The following MARK2 variants were observed in gnomAD, a reference collection of about 807,000 sequenced individuals.
MARK2 encodes microtubule affinity regulating kinase 2.
MARK2 carries 16 observed loss-of-function variants against 89.8 expected under a neutral mutation model. That is an observed-to-expected ratio of 0.18 (90% CI 0.12 to 0.27). The LOEUF (loss-of-function observed/expected upper bound fraction) is 0.27, where lower values mean the gene tolerates loss of function less well. Among genes scored for constraint, MARK2 ranks in the 10% least tolerant of loss-of-function variants. The pLI is 1.00. For missense variants in MARK2, 621 were observed against 1,049.9 expected (o/e 0.59, Z 5.65); for synonymous variants, 382 against 399.5 (o/e 0.96, Z 0.52).
chr11:63,855,037 AAAT>A (rs1344785191), intron 1 of MARK2, among the ~76,000 whole-genome samples: 1 of 152,212 alleles, frequency 6.6e-6, no homozygotes, highest in Non-Finnish European at 1.5e-5. Flanking sequence ...GCCAGTGATA[AAAT>A]TCAAGTTTTC....
chr11:63,868,168 G>A (rs1429767235), intron 1 of MARK2, among the ~76,000 whole-genome samples: 1 of 152,154 alleles, frequency 6.6e-6, no homozygotes, highest in East Asian at 1.9e-4. Context: ...GAAGTGGGCA[G>A]ATTGCTTGAG....
At chr11:63,872,121 A>G (rs571462529) in intron 1 of MARK2, among the ~76,000 whole-genome samples, 103 of 152,266 alleles carry the variant, frequency 6.8e-4, no homozygotes, top group African/African-American at 2.3e-3. Flanking sequence ...AGAAAGAGGA[A>G]GTATGTAGTG....
At chr11:63,852,746 G>C (rs1041381263) in intron 1 of MARK2, among the ~76,000 whole-genome samples, 1 of 151,724 alleles carries the variant, frequency 6.6e-6, no homozygotes, top group African/African-American at 2.4e-5. Flanking sequence ...TGTTCATAAT[G>C]TACCTTACTG....
intron 1 of MARK2, among the ~76,000 whole-genome samples, chr11:63,880,504 C>A (rs1205436768): frequency 6.6e-6 from 1 of 152,190 alleles, no homozygotes; most frequent in Non-Finnish European, 1.5e-5. Flanking sequence ...CACTGTCCGT[C>A]CCCAATTGGT....
chr11:63,899,119 C>T lies in MARK2; in HGVS notation c.531+11C>T. 6.3e-7 allele frequency: 1 copy of T among 1,593,368 alleles called. No individual in the cohort carries two copies. The highest frequency in any genetic ancestry group is 8.6e-7 in the Non-Finnish European group (1 of 1,163,212). ...CATAGAGACTTAAAGGTAAGGCATG[C>T]ACTTCTCCTTGTGCCTTTGAGTGGG... On this transcript the variant is annotated intron_variant, in intron 7 of 18. Transcript: ENST00000402010.
chr11:63,883,385 G>T (rs982205576), intron 1 of MARK2, among the ~76,000 whole-genome samples: 21 of 152,106 alleles, frequency 1.4e-4, no homozygotes, highest in African/African-American at 4.3e-4. Context: ...GGAATACCAG[G>T]ATGACAGGAA....
At chr11:63,889,104 A>T in intron 1 of MARK2, 1 of 564,874 alleles carries the variant, frequency 1.8e-6, no homozygotes, top group African/African-American at 1.9e-5. Flanking sequence ...GGGTGTCCAG[A>T]TGTGGAAGAG....
intron 1 of MARK2, among the ~76,000 whole-genome samples, chr11:63,858,331 A>G (rs1053270686): frequency 1.3e-5 from 2 of 151,510 alleles, no homozygotes; most frequent in African/African-American, 4.9e-5. Context: ...ATATAATTTT[A>G]CATGAGTTAA....
At chr11:63,877,085 C>T (rs181527054) in intron 1 of MARK2, among the ~76,000 whole-genome samples, 1 of 148,830 alleles carries the variant, frequency 6.7e-6, no homozygotes, top group Non-Finnish European at 1.5e-5. Context: ...TCTTAGAAAC[C>T]AGTTCAATCA....
chr11:63,862,214 C>T (rs1937845707), intron 1 of MARK2, among the ~76,000 whole-genome samples: 1 of 152,086 alleles, frequency 6.6e-6, no homozygotes, highest in Non-Finnish European at 1.5e-5. Context: ...CATGAGCCAC[C>T]ATGCCTGGCT....
In MARK2 at chr11:63,890,813, C is replaced by A. The variant is rs113262185; in HGVS notation, c.55-4346C>A. Among the ~76,000 whole-genome samples the A allele has an allele frequency of 2.5e-3, 380 of 152,348 alleles. 1 individual carries two copies. Among genetic ancestry groups the A allele is most frequent in the African/African-American group, 8.6e-3 (356 of 41,570 alleles). On this transcript the variant is annotated intron_variant, in intron 1 of 18. Coordinates refer to ENST00000402010, the MANE Select transcript of MARK2 (RefSeq NM_001039469.3). ...AGGCATTTTACATGTGCTCTTTCAT[C>A]TACCTGTGTAAAGTAGGGAATGTTT... is the stretch of plus-strand genomic sequence containing the variant.
rs781534420 is a variant in MARK2, at chr11:63,898,259, G to A, written c.316G>A (p.Val106Ile). 1.2e-6 allele frequency: 2 copies of A among 1,613,940 alleles called. No homozygotes were observed. Among genetic ancestry groups the A allele is most frequent in the East Asian group, 2.2e-5 (1 of 44,904 alleles). Reference protein sequence around the residue: ...KLFREVRIMKVLNHPNIVKLF... With the variant: ...KLFREVRIMKILNHPNIVKLF... ...ATTCCGCGAAGTAAGAATAATGAAGGTTTTGAATCATCCCAACATAGGTGA... is the reference window on the plus strand; with the variant it reads ...ATTCCGCGAAGTAAGAATAATGAAGATTTTGAATCATCCCAACATAGGTGA... The change falls in exon 4 of 19, where the codon GTT becomes ATT. Residue 106 changes from valine (V) to isoleucine (I), a missense_variant. Val to Ile is a conservative substitution (Grantham distance 29). Coordinates refer to ENST00000402010, the MANE Select transcript of MARK2 (RefSeq NM_001039469.3).
rs774314344 is a variant in MARK2 at position 63,903,942 on chromosome 11, C to T, written c.1515-44C>T. On this transcript the variant is annotated intron_variant, in intron 14 of 18. Coordinates refer to ENST00000402010, the MANE Select transcript of MARK2 (RefSeq NM_001039469.3). The surrounding 1 kb of genome is among the most constrained non-coding windows in gnomAD (Gnocchi z 5.1). ...CTTCCTAATCCAGGCCTCCCGCCCTCACTCACCCCTAACACGGGCCTCTCC... is the reference window on the plus strand; with the variant it reads ...CTTCCTAATCCAGGCCTCCCGCCCTTACTCACCCCTAACACGGGCCTCTCC... 2 of 1,535,056 alleles carry T rather than the reference C, an allele frequency of 1.3e-6. No individual in the cohort carries two copies. Among genetic ancestry groups the T allele is most frequent in the Non-Finnish European group, 8.8e-7 (1 of 1,135,092 alleles).
In MARK2 at chr11:63,910,652, A is replaced by ATTTTTTTTTTTTTTTTTTTTTTTT. The variant is rs750155967; in HGVS notation, c.*1429_*1430insTTTTTTTTTTTTTTTTTTTTTTTT. On this transcript the variant is annotated 3_prime_UTR_variant, in exon 19 of 19. Coordinates refer to ENST00000402010, the MANE Select transcript of MARK2 (RefSeq NM_001039469.3). ...GTTTTATTTTTTATTATTTTATTTT[A>ATTTTTTTTTTTTTTTTTTTTTTTT]TTTTTTTTTTTTTTGATTTATGATG... is the stretch of plus-strand genomic sequence containing the variant. 3 of 137,434 alleles carry ATTTTTTTTTTTTTTTTTTTTTTTT rather than the reference A, an allele frequency of 2.2e-5. No homozygotes were observed. Among genetic ancestry groups the ATTTTTTTTTTTTTTTTTTTTTTTT allele is most frequent in the East Asian group, 2.1e-4 (1 of 4,688 alleles). The allele number at this position is 137,434 out of a possible 1,614,324, so 8.5% of individuals were successfully genotyped here. A position where few individuals can be genotyped will look rare whatever the true frequency, so the allele number is the denominator to read the frequency against.
At chr11:63,884,196 C>T (rs1939263154) in intron 1 of MARK2, among the ~76,000 whole-genome samples, 1 of 152,204 alleles carries the variant, frequency 6.6e-6, no homozygotes, top group Non-Finnish European at 1.5e-5. Flanking sequence ...CCCCAGCAAG[C>T]AGATTCTCAG....
chr11:63,856,643 C>T (rs930094508), intron 1 of MARK2, among the ~76,000 whole-genome samples: 1 of 151,416 alleles, frequency 6.6e-6, no homozygotes, highest in Non-Finnish European at 1.5e-5. Context: ...AGGCTGGTCT[C>T]GAACTCCTGG....
intron 1 of MARK2, chr11:63,888,653 C>T: frequency 1.7e-6 from 2 of 1,171,332 alleles, no homozygotes; most frequent in African/African-American, 1.6e-5. Flanking sequence ...CCTTGAGAAG[C>T]CAGCGGGGCT....
At chr11:63,890,212 T>C (rs1939723919) in intron 1 of MARK2, 1 of 1,346,262 alleles carries the variant, frequency 7.4e-7, no homozygotes, top group Non-Finnish European at 9.8e-7. Flanking sequence ...TTTTCTCTGC[T>C]TCCTTCCAGT....
At chr11:63,907,208 G>T (rs1032938936) in intron 17 of MARK2, among the ~76,000 whole-genome samples, 1 of 152,200 alleles carries the variant, frequency 6.6e-6, no homozygotes, top group Non-Finnish European at 1.5e-5. Context: ...ATGGAGGAAC[G>T]TCCAGACAGG....
Sources: allele counts gnomAD v4.1 joint callset (sites outside exome capture counted in the v4.1 genomes callset), GRCh38; gene constraint gnomAD v4.1.1; non-coding constraint Gnocchi (gnomAD v3.1); transcripts MANE v1.5; gene names NCBI Gene and HGNC (gene_info 2026-07-23, HGNC 2026-07-21).